Variants in SCAMP2 observed in about 807,000 individuals in gnomAD.
The protein encoded by SCAMP2 is secretory carrier-associated membrane protein 2.
SCAMP2 carries 25 observed loss-of-function variants against 44.1 expected under a neutral mutation model. That is an observed-to-expected ratio of 0.57 (90% confidence interval 0.41 to 0.79). SCAMP2 has a LOEUF of 0.79. Ranked by LOEUF, SCAMP2 falls within the 30% of genes least tolerant of loss-of-function variation. The pLI is 0.00. For synonymous variants in SCAMP2, 156 were observed against 166.0 expected (o/e 0.94, Z 0.46); for missense variants, 355 against 411.0 (o/e 0.86, Z 1.18).
intron 4 of SCAMP2, chr15:74,851,783 C>G: frequency 2.2e-6 from 1 of 453,370 alleles, no homozygotes; most frequent in Admixed American, 3.8e-5. Context: ...CTCAGTTCAT[C>G]ATCATTAGCA....
rs188857322 is a variant in SCAMP2 at position 74,869,149 on chromosome 15, A to G, written c.57+4050T>C. On this transcript the variant is annotated intron_variant, in intron 1 of 8. Transcript: ENST00000268099. ...AGCCTGGGCAAAAGAGCGAAACACCATCTCAAAAAACATAAACAAAGAAAC... is the reference window on the plus strand; with the variant it reads ...AGCCTGGGCAAAAGAGCGAAACACCGTCTCAAAAAACATAAACAAAGAAAC... 5.9e-3 allele frequency among the ~76,000 whole-genome samples: 905 copies of G among 152,256 alleles called. 6 individuals carry two copies. The highest frequency in any genetic ancestry group is 0.011 in the Non-Finnish European group (731 of 68,024).
Position 74,844,858 on chromosome 15 carries a change from C to A in SCAMP2, c.*225G>T. On this transcript the variant is annotated 3_prime_UTR_variant, in exon 9 of 9. Transcript: ENST00000268099. ...CAAAAGAATCCTACCAAACCATCAC[C>A]AGAGAAGGAAAGAGAGCTTTGTTTT... 1 of 512,072 alleles carries A rather than the reference C, an allele frequency of 2.0e-6. No homozygotes were observed. The highest frequency in any genetic ancestry group is 3.5e-6 in the Non-Finnish European group (1 of 286,972). The allele number at this position is 512,072 out of a possible 1,614,324, so 31.7% of individuals were successfully genotyped here. A position where few individuals can be genotyped will look rare whatever the true frequency, so the allele number is the denominator to read the frequency against.
intron 1 of SCAMP2, among the ~76,000 whole-genome samples, chr15:74,855,438 C>A (rs532837285): frequency 6.6e-6 from 1 of 151,482 alleles, no homozygotes; most frequent in African/African-American, 2.4e-5. Context: ...CTAAGGTAGC[C>A]GGGTGCAGTA....
chr15:74,856,919 G>A (rs1168676573), intron 1 of SCAMP2, among the ~76,000 whole-genome samples: 1 of 152,120 alleles, frequency 6.6e-6, no homozygotes, highest in Non-Finnish European at 1.5e-5. Context: ...TAAATACAAT[G>A]CTAATATTAG....
At chr15:74,850,379 G>C (rs2064427317) in intron 6 of SCAMP2, 135 bp downstream of exon 6, 1 of 882,204 alleles carries the variant, frequency 1.1e-6, no homozygotes, top group Non-Finnish European at 1.8e-6. Context: ...CAGAGGAACA[G>C]AATGTAGGGA....
At chr15:74,871,274 C>T (rs1044452755) in intron 1 of SCAMP2, among the ~76,000 whole-genome samples, 3 of 152,010 alleles carry the variant, frequency 2.0e-5, no homozygotes, top group South Asian at 2.1e-4. Flanking sequence ...GGCATCACAG[C>T]GAGACCCCTT....
chr15:74,860,685 TAAA>T (rs34842935), intron 1 of SCAMP2, among the ~76,000 whole-genome samples: 3 of 89,528 alleles, frequency 3.4e-5, no homozygotes, highest in African/African-American at 1.3e-4. Flanking sequence ...AGACTCCATT[TAAA>T]AAAAAAAAAA....
At chr15:74,851,184 CAG>C (rs56981059) in intron 5 of SCAMP2, among the ~76,000 whole-genome samples, 167 bp downstream of exon 5, 7,260 of 152,160 alleles carry the variant, frequency 0.048, 560 homozygotes, top group African/African-American at 0.17. Context: ...GGTTTCCAGA[CAG>C]GGGGCAGCCT....
intron 2 of SCAMP2, 58 bp downstream of exon 2, chr15:74,854,523 A>T: frequency 7.1e-7 from 1 of 1,417,044 alleles, no homozygotes; most frequent in Non-Finnish European, 9.8e-7. Context: ...CCTGCCCCGG[A>T]CACCCCAGCA....
At chr15:74,871,457 AAAGG>A (rs2064574681) in intron 1 of SCAMP2, among the ~76,000 whole-genome samples, 1 of 152,008 alleles carries the variant, frequency 6.6e-6, no homozygotes, top group Admixed American at 6.6e-5. Context: ...CTGCCTTAAA[AAAGG>A]AAGAAAGAGG....
At chr15:74,862,836 A>T (rs1471808731) in intron 1 of SCAMP2, among the ~76,000 whole-genome samples, 1 of 137,874 alleles carries the variant, frequency 7.3e-6, no homozygotes, top group African/African-American at 2.8e-5. Context: ...AAAAAAAAAA[A>T]AACAAAAAAC....
intron 1 of SCAMP2, among the ~76,000 whole-genome samples, chr15:74,862,121 G>A (rs928131164): frequency 2.0e-5 from 3 of 150,068 alleles, no homozygotes; most frequent in African/African-American, 7.3e-5. Context: ...AAGTTAGCCA[G>A]GCGTGGTGGC....
At chr15:74,868,626 T>C (rs954913235) in intron 1 of SCAMP2, among the ~76,000 whole-genome samples, 6 of 152,170 alleles carry the variant, frequency 3.9e-5, no homozygotes, top group African/African-American at 1.2e-4. Context: ...CACTGCAACC[T>C]CCACCTCCCA....
At chr15:74,868,902 T>C (rs1012031242) in intron 1 of SCAMP2, among the ~76,000 whole-genome samples, 1 of 152,166 alleles carries the variant, frequency 6.6e-6, no homozygotes, top group Non-Finnish European at 1.5e-5. Flanking sequence ...ACGCCTGTAA[T>C]CCTAGCACTT....
In SCAMP2 at chr15:74,845,282, G is replaced by A. The variant is rs114328139; in HGVS notation, c.856-65C>T. ...GGCCCACCAGGAAGCCAGCCATCCA[G>A]GTTATACTCCCAAAGGGGTCACCAG... is the stretch of plus-strand genomic sequence containing the variant. On this transcript the variant is annotated intron_variant, in intron 8 of 8. Transcript: ENST00000268099. The A allele has an allele frequency of 2.9e-4, 469 of 1,596,412 alleles. 1 individual carries two copies. The African/African-American group carries it at 5.2e-3, about 18-fold the overall frequency.
At chr15:74,872,997 C>A in intron 1 of SCAMP2, 1 of 509,278 alleles carries the variant, frequency 2.0e-6, no homozygotes, top group Non-Finnish European at 3.4e-6. Flanking sequence ...AACACTTCAG[C>A]GCCCCGCCTC....
chr15:74,858,763 C>CTGCTT (rs1266184320), intron 1 of SCAMP2, among the ~76,000 whole-genome samples: 1 of 146,050 alleles, frequency 6.8e-6, no homozygotes, highest in Non-Finnish European at 1.5e-5. Context: ...ACAAGGGCTT[C>CTGCTT]TGCTTGTTTC....
At chr15:74,848,900 C>T (rs1304536585) in intron 6 of SCAMP2, among the ~76,000 whole-genome samples, 199 bp from the exon 7 acceptor site, 1 of 152,044 alleles carries the variant, frequency 6.6e-6, no homozygotes, top group African/African-American at 2.4e-5. Flanking sequence ...CCTTTCACTG[C>T]CTTCCAATTT....
chr15:74,853,382 G>A lies in SCAMP2; in HGVS notation c.225+639C>T, dbSNP rs778379298. Reference sequence around the variant, plus strand: ...ATTAGGCCTACCTTCGGAAGCTTTCGCATGTAGCTGTCTCTGAGAATACTT... The same window carrying A: ...ATTAGGCCTACCTTCGGAAGCTTTCACATGTAGCTGTCTCTGAGAATACTT... On this transcript the variant is annotated intron_variant, in intron 3 of 8. Coordinates refer to ENST00000268099, the MANE Select transcript of SCAMP2 (RefSeq NM_005697.5). The A allele has an allele frequency of 6.1e-5, 28 of 456,194 alleles. 1 individual carries two copies. Among genetic ancestry groups the A allele is most frequent in the Admixed American group, 4.9e-4 (21 of 42,538 alleles). 28.3% of individuals were successfully genotyped at this position (456,194 alleles called of 1,614,324 possible). A position where few individuals can be genotyped will look rare whatever the true frequency, so the allele number is the denominator to read the frequency against.
Sources: allele counts gnomAD v4.1 joint callset (sites outside exome capture counted in the v4.1 genomes callset), GRCh38; gene constraint gnomAD v4.1.1; transcripts MANE v1.5; gene names NCBI Gene and HGNC (gene_info 2026-07-23, HGNC 2026-07-21).